The following MEIS1 variants were observed in gnomAD, a reference collection of about 807,000 sequenced individuals.
MEIS1 encodes Meis homeobox 1.
Under a neutral mutation model 50.8 loss-of-function variants are expected in MEIS1, and 5 were observed. The ratio of observed to expected loss-of-function variants is 0.10; its 90% CI spans 0.05 to 0.21. The LOEUF is 0.21. Among genes scored for constraint, MEIS1 ranks in the 10% least tolerant of loss-of-function variants. The pLI is 1.00. For synonymous variants in MEIS1, 176 were observed against 179.3 expected (o/e 0.98, Z 0.15); for missense variants, 318 against 517.3 (o/e 0.61, Z 3.74).
At chr2:66,444,668 G>T (rs372047556) in intron 6 of MEIS1, among the ~76,000 whole-genome samples, 28 of 152,310 alleles carry the variant, frequency 1.8e-4, no homozygotes, top group African/African-American at 6.3e-4. Flanking sequence ...CCCCGCGGGC[G>T]GCCCGGGCCT....
chr2:66,448,665 G>A (rs1672211564), intron 6 of MEIS1, among the ~76,000 whole-genome samples: 1 of 152,090 alleles, frequency 6.6e-6, no homozygotes, highest in Non-Finnish European at 1.5e-5. Flanking sequence ...TCAAACAAAT[G>A]TGAAATGCTA....
intron 7 of MEIS1, among the ~76,000 whole-genome samples, chr2:66,478,335 G>A (rs1253569817): frequency 6.6e-6 from 1 of 152,144 alleles, no homozygotes; most frequent in Non-Finnish European, 1.5e-5. Context: ...TAACTGAAAT[G>A]GAAGCAATAG....
intron 7 of MEIS1, among the ~76,000 whole-genome samples, chr2:66,469,620 C>G (rs1356764832): frequency 6.6e-6 from 1 of 152,180 alleles, no homozygotes; most frequent in East Asian, 1.9e-4. Flanking sequence ...AAGGAGCGCT[C>G]TGATTGGATG....
intron 8 of MEIS1, among the ~76,000 whole-genome samples, chr2:66,532,232 A>G (rs1674410291): frequency 6.6e-6 from 1 of 152,082 alleles, no homozygotes; most frequent in Non-Finnish European, 1.5e-5. Flanking sequence ...AAAATATTAA[A>G]CCCCGTAGGC....
chr2:66,526,764 C>G (rs1046840553), intron 8 of MEIS1, among the ~76,000 whole-genome samples: 7 of 152,176 alleles, frequency 4.6e-5, no homozygotes, highest in African/African-American at 1.7e-4. Flanking sequence ...TAACCATTGT[C>G]AAACATATAT....
In MEIS1 at chr2:66,512,192, C is replaced by T. The variant is rs765383301; in HGVS notation, c.786C>T (p.Asp262=). 22 of 1,609,082 alleles carry T rather than the reference C, an allele frequency of 1.4e-5. No homozygotes were observed. The highest frequency in any genetic ancestry group is 1.6e-4 in the Middle Eastern group (1 of 6,072). The stretch of plus-strand genomic sequence containing the variant: ...GTGTAGCTTCCCCCAGCACAGGTGA[C>T]GATGATGACCCTGATAAGGACAAAA... ...DNSVASPSTG[D]DDDPDKDKKR... Residue 262 remains aspartate (D), a synonymous_variant, in exon 8 of 13, where the codon GAC becomes GAT. Coordinates refer to ENST00000272369, the MANE Select transcript of MEIS1 (RefSeq NM_002398.3).
intron 9 of MEIS1, among the ~76,000 whole-genome samples, chr2:66,552,167 G>A (rs566959035): frequency 6.6e-6 from 1 of 152,172 alleles, no homozygotes; most frequent in Non-Finnish European, 1.5e-5. Context: ...GATCACACCA[G>A]TGTTGCGGAC....
intron 6 of MEIS1, among the ~76,000 whole-genome samples, chr2:66,449,639 A>G (rs182755372): frequency 6.6e-6 from 1 of 152,296 alleles, no homozygotes; most frequent in East Asian, 1.9e-4. Flanking sequence ...AAAGGATACT[A>G]TGTGAAATAA....
In MEIS1 at chr2:66,572,418, A is replaced by G. The variant is rs1407805952; in HGVS notation, c.*1210A>G. ...CCCACCTTGGAGCATTTATGTAGAC[A>G]TTGTAAATAAATTTTGTGCAAAAAG... On this transcript the variant is annotated 3_prime_UTR_variant, in exon 13 of 13. Coordinates refer to ENST00000272369, the MANE Select transcript of MEIS1 (RefSeq NM_002398.3). 6.6e-6 allele frequency: 1 copy of G among 152,320 alleles called. No homozygotes were observed. Among genetic ancestry groups the G allele is most frequent in the Middle Eastern group, 3.4e-3 (1 of 294 alleles). 9.4% of individuals were successfully genotyped at this position (152,320 alleles called of 1,614,324 possible).
chr2:66,468,017 A>G (rs1171580520), intron 7 of MEIS1, among the ~76,000 whole-genome samples: 1 of 152,170 alleles, frequency 6.6e-6, no homozygotes, highest in Non-Finnish European at 1.5e-5. Context: ...CCCATTTCAC[A>G]GGAGATAGAA....
chr2:66,528,358 C>T (rs1438777099), intron 8 of MEIS1, among the ~76,000 whole-genome samples: 1 of 152,136 alleles, frequency 6.6e-6, no homozygotes, highest in Non-Finnish European at 1.5e-5. Context: ...AGCTCCAATG[C>T]TTTATTATTC....
chr2:66,466,487 A>G (rs1672638256), intron 7 of MEIS1, among the ~76,000 whole-genome samples: 1 of 152,208 alleles, frequency 6.6e-6, no homozygotes, highest in African/African-American at 2.4e-5. Context: ...CAACTTATGC[A>G]CACTTCCATG....
chr2:66,436,297 A>C (rs909247012), intron 1 of MEIS1, among the ~76,000 whole-genome samples: 2 of 152,206 alleles, frequency 1.3e-5, no homozygotes, highest in African/African-American at 4.8e-5. Context: ...TTTTTAAAGG[A>C]AATAACTTTG....
At chr2:66,539,457 A>G (rs1346107532) in intron 8 of MEIS1, among the ~76,000 whole-genome samples, 1 of 152,224 alleles carries the variant, frequency 6.6e-6, no homozygotes, top group East Asian at 1.9e-4. Context: ...TATTATATAA[A>G]AGACAAAATC....
chr2:66,501,985 G>T (rs542133573), intron 7 of MEIS1, among the ~76,000 whole-genome samples: 1 of 152,084 alleles, frequency 6.6e-6, no homozygotes, highest in South Asian at 2.1e-4. Flanking sequence ...TATGTTGAAA[G>T]TGAAGTGATA....
chr2:66,440,144 T>C (rs1437872911), intron 3 of MEIS1, 160 bp downstream of exon 3: 8 of 708,910 alleles, frequency 1.1e-5, no homozygotes, highest in Non-Finnish European at 1.8e-5. Context: ...CCATGCATGT[T>C]ACCTCCAACC....
intron 6 of MEIS1, among the ~76,000 whole-genome samples, chr2:66,448,900 A>C (rs1026933805): frequency 2.7e-4 from 41 of 152,132 alleles, no homozygotes; most frequent in Non-Finnish European, 2.9e-5. Flanking sequence ...TACAGCTCTC[A>C]GTCATTTTTG....
chr2:66,556,532 G>A (rs893709093), intron 9 of MEIS1, among the ~76,000 whole-genome samples: 1 of 151,322 alleles, frequency 6.6e-6, no homozygotes, highest in Non-Finnish European at 1.5e-5. Context: ...CCTACGGATG[G>A]AAGTTAATGC....
At chr2:66,468,356 T>G (rs187280048) in intron 7 of MEIS1, among the ~76,000 whole-genome samples, 265 of 152,320 alleles carry the variant, frequency 1.7e-3, no homozygotes, top group Middle Eastern at 0.01. Context: ...CTATGCCTCT[T>G]AAGCAGCTTC....
Sources: gnomAD v4.1 joint callset for allele counts (sites outside exome capture counted in the v4.1 genomes callset) on GRCh38, gnomAD v4.1.1 for gene constraint, MANE v1.5 for transcripts, NCBI Gene and HGNC (gene_info 2026-07-23, HGNC 2026-07-21) for gene names.